CEP85L: variants seen among roughly 807,000 people sequenced by gnomAD.
The protein encoded by CEP85L is centrosomal protein 85L.
Under a neutral mutation model 100.3 loss-of-function variants are expected in CEP85L, and 60 were observed. The ratio of observed to expected loss-of-function variants is 0.60; its 90% confidence interval spans 0.49 to 0.74. CEP85L has a LOEUF of 0.74. Among genes scored for constraint, CEP85L ranks in the 30% least tolerant of loss-of-function variants. The pLI is 0.00. For missense variants in CEP85L, 973 were observed against 936.2 expected, an observed-to-expected ratio of 1.04 and a Z score of -0.51; for synonymous variants, 319 against 322.7, an observed-to-expected ratio of 0.99 and a Z score of 0.12.
intron 3 of CEP85L, among the ~76,000 whole-genome samples, chr6:118,556,936 CA>C (rs926973344): frequency 2.6e-5 from 4 of 152,054 alleles, no homozygotes; most frequent in African/African-American, 9.7e-5. Context: ...TATTAATCAT[CA>C]AAGTATAGGC....
At chr6:118,511,529 G>A (rs1433891242) in intron 4 of CEP85L, 114 bp from the exon 5 acceptor site, 1 of 625,124 alleles carries the variant, frequency 1.6e-6, no homozygotes, top group East Asian at 2.8e-5. Context: ...GATTCTAACA[G>A]TCACACCTTG....
At chr6:118,529,721 G>A (rs757835986) in intron 3 of CEP85L, among the ~76,000 whole-genome samples, 3 of 151,198 alleles carry the variant, frequency 2.0e-5, no homozygotes, top group African/African-American at 7.3e-5. Flanking sequence ...CTCTGACTAT[G>A]ATGCCATAGC....
At chr6:118,672,021 C>T (rs530378824) in intron 1 of CEP85L, among the ~76,000 whole-genome samples, 6 of 152,066 alleles carry the variant, frequency 3.9e-5, no homozygotes, top group Admixed American at 6.6e-5. Context: ...AATAATTTGA[C>T]GTATTATTCT....
upstream of CEP85L, chr6:118,651,851 C>T (rs868674038): frequency 7.1e-6 from 7 of 985,478 alleles, no homozygotes; most frequent in African/African-American, 1.7e-5. Flanking sequence ...GCCTATTTTG[C>T]GATACTCGCC....
At chr6:118,648,535 A>G (rs1216210899) in intron 1 of CEP85L, among the ~76,000 whole-genome samples, 3 of 152,030 alleles carry the variant, frequency 2.0e-5, no homozygotes, top group African/African-American at 4.8e-5. Flanking sequence ...AGGTCAGGAG[A>G]TCGAGACCAC....
At chr6:118,559,858 T>G (rs939694326) in intron 3 of CEP85L, 12 of 167,214 alleles carry the variant, frequency 7.2e-5, no homozygotes, top group African/African-American at 2.9e-4. Flanking sequence ...GTGAGATTAG[T>G]CATATCACTA....
intron 3 of CEP85L, among the ~76,000 whole-genome samples, chr6:118,558,354 G>A (rs1778999533): frequency 6.6e-6 from 1 of 152,134 alleles, no homozygotes; most frequent in Non-Finnish European, 1.5e-5. Context: ...GTTTGGTGAT[G>A]TTTTTGTGAC....
chr6:118,676,354 A>G (rs773470691), intron 1 of CEP85L, among the ~76,000 whole-genome samples: 13 of 152,044 alleles, frequency 8.6e-5, no homozygotes, highest in Non-Finnish European at 1.5e-4. Flanking sequence ...TCCCCTCTCT[A>G]GCCGTTGGTA....
intron 1 of CEP85L, among the ~76,000 whole-genome samples, chr6:118,676,232 C>T (rs1388113873): frequency 6.6e-6 from 1 of 152,120 alleles, no homozygotes; most frequent in African/African-American, 2.4e-5. Context: ...TAACATTCTT[C>T]TATGGTGAGA....
At chr6:118,596,271 T>C (rs936441028) in intron 2 of CEP85L, among the ~76,000 whole-genome samples, 3 of 152,170 alleles carry the variant, frequency 2.0e-5, no homozygotes, top group African/African-American at 2.4e-5. Flanking sequence ...AAAGTTGCTA[T>C]TATATTATAA....
chr6:118,681,748 CTTTTT>C (rs199966143), intron 1 of CEP85L, among the ~76,000 whole-genome samples: 155 of 124,744 alleles, frequency 1.2e-3, no homozygotes, highest in African/African-American at 3.3e-3. Context: ...ATAATTATTT[CTTTTT>C]TTTTTTTTTT....
intron 1 of CEP85L, among the ~76,000 whole-genome samples, chr6:118,646,054 T>A (rs1775165225): frequency 6.6e-6 from 1 of 151,924 alleles, no homozygotes; most frequent in Non-Finnish European, 1.5e-5. Context: ...CTGTCTCTAC[T>A]AAAAATACGA....
At position 118,461,854 on chromosome 6, in the gene CEP85L, C is replaced by T. The variant is rs1772250629; in HGVS notation, c.*3551G>A. The T allele has an allele frequency of 6.6e-6, 1 of 151,980 alleles. No homozygotes were observed. Among genetic ancestry groups the T allele is most frequent in the Admixed American group, 6.6e-5 (1 of 15,260 alleles). 9.4% of individuals were successfully genotyped at this position (151,980 alleles called of 1,614,324 possible). A position where few individuals can be genotyped will look rare whatever the true frequency, so the allele number is the denominator to read the frequency against. ...GCTTATTACCATAATTACATATCTA[C>T]AATGATATAATTCCTACGTAAGAGA... On this transcript the variant is annotated 3_prime_UTR_variant, in exon 13 of 13. Coordinates refer to ENST00000368491, the MANE Select transcript of CEP85L (RefSeq NM_001042475.3).
chr6:118,516,245 T>C (rs1277252215), intron 4 of CEP85L, among the ~76,000 whole-genome samples: 1 of 152,212 alleles, frequency 6.6e-6, no homozygotes, highest in East Asian at 1.9e-4. Flanking sequence ...GAGAATGATT[T>C]ATAATCCTTT....
At chr6:118,486,299 C>A (rs1428994301) in intron 6 of CEP85L, among the ~76,000 whole-genome samples, 2 of 152,056 alleles carry the variant, frequency 1.3e-5, no homozygotes, top group Non-Finnish European at 2.9e-5. Flanking sequence ...ACTAATAAAT[C>A]TTCTCTATTC....
intron 10 of CEP85L, among the ~76,000 whole-genome samples, chr6:118,476,324 G>A (rs905067719): frequency 6.6e-6 from 1 of 151,434 alleles, no homozygotes; most frequent in African/African-American, 2.4e-5. Flanking sequence ...AAGGCATTTG[G>A]CTGGTACATT....
chr6:118,608,485 A>T (rs1772395334), intron 2 of CEP85L, among the ~76,000 whole-genome samples: 3 of 151,842 alleles, frequency 2.0e-5, no homozygotes, highest in Admixed American at 2.0e-4. Flanking sequence ...ACAGAGCAAG[A>T]TTCCATCTCA....
chr6:118,706,194 TA>T (rs1777588526), intron 1 of CEP85L, among the ~76,000 whole-genome samples: 1 of 152,206 alleles, frequency 6.6e-6, no homozygotes, highest in Admixed American at 6.6e-5. Flanking sequence ...ACAAGGGGAT[TA>T]TTTTTAGTTT....
chr6:118,525,401 G>C (rs947872980), intron 3 of CEP85L, among the ~76,000 whole-genome samples: 2 of 152,172 alleles, frequency 1.3e-5, no homozygotes, highest in African/African-American at 4.8e-5. Context: ...TTCAGAAAGT[G>C]ATCTTATTTG....
Sources: gnomAD v4.1 joint callset for allele counts (sites outside exome capture counted in the v4.1 genomes callset) on GRCh38, gnomAD v4.1.1 for gene constraint, MANE v1.5 for transcripts, NCBI Gene and HGNC (gene_info 2026-07-23, HGNC 2026-07-21) for gene names.